Variants in RPL3 observed in about 807,000 individuals in gnomAD.
The protein encoded by RPL3 is ribosomal protein L3, also known as large ribosomal subunit protein uL3.
RPL3 carries 3 observed loss-of-function variants against 46.0 expected under a neutral mutation model. The ratio of observed to expected loss-of-function variants is 0.07; its 90% confidence interval spans 0.03 to 0.17. RPL3 has a LOEUF of 0.17. Ranked by LOEUF, RPL3 falls within the 10% of genes least tolerant of loss-of-function variation. The pLI is 1.00. For synonymous variants in RPL3, 224 were observed against 190.8 expected (o/e 1.17, Z -1.43); for missense variants, 387 against 532.7 (o/e 0.73, Z 2.69).
intron 1 of RPL3, chr22:39,318,986 G>A (rs1403154923): frequency 3.7e-6 from 2 of 539,762 alleles, no homozygotes; most frequent in East Asian, 5.4e-5. Context: ...TTAAGCTATA[G>A]GCTGCCTCCG....
At chr22:39,318,903 A>G (rs137625) in intron 1 of RPL3, 409,441 of 452,602 alleles carry the variant, frequency 0.9, 185,590 homozygotes, top group East Asian at 1. Flanking sequence ...GCAGCTTTAT[A>G]TGCCAATTAG....
At chr22:39,314,894 T>TGACC (rs1263650101) in intron 5 of RPL3, 48 bp from the exon 6 acceptor site, 1 of 1,591,216 alleles carries the variant, frequency 6.3e-7, no homozygotes, top group Admixed American at 1.7e-5. Context: ...CACCTCCCAC[T>TGACC]GACCCCTTCC....
At chr22:39,318,722 AAAAGGT>A (rs1434588234) in intron 1 of RPL3, 130 bp from the exon 2 acceptor site, 3 of 756,618 alleles carry the variant, frequency 4.0e-6, no homozygotes, top group Non-Finnish European at 6.3e-6. Flanking sequence ...AAGCCGAATA[AAAAGGT>A]CATTATCTCT....
chr22:39,315,456 G>A lies in RPL3; in HGVS notation c.601C>T (p.Leu201Phe), dbSNP rs1922625114. Residue 201 changes from leucine to phenylalanine, a missense_variant, in exon 5 of 10, where the codon CTT becomes TTT. Coordinates refer to ENST00000216146, the MANE Select transcript of RPL3 (RefSeq NM_000967.4). ...TGGTTCACAGGTACCTGCTGCTCAA[G>A]CCTCTCGCGGGCCCAGTCCAGCTTC... Reference protein sequence around the residue: ...AEKLDWARERLEQQVPVNQVF... With the variant: ...AEKLDWARERFEQQVPVNQVF... 2 of 1,613,936 alleles carry A rather than the reference G, an allele frequency of 1.2e-6. No individual in the cohort carries two copies. The highest frequency in any genetic ancestry group is 8.5e-7 in the Non-Finnish European group (1 of 1,180,058).
chr22:39,315,097 A>G (rs748082215), intron 5 of RPL3: 96 of 729,384 alleles, frequency 1.3e-4, no homozygotes, highest in Admixed American at 5.7e-4. Context: ...ACTGACTAAC[A>G]TAATTCCAAG....
chr22:39,318,033 G>A (rs186682087), intron 2 of RPL3: 8 of 347,678 alleles, frequency 2.3e-5, no homozygotes, highest in South Asian at 3.2e-5. Context: ...ACACACACAG[G>A]TAAGTGGCCA....
Position 39,319,286 on chromosome 22 carries a change from CTAA to C in RPL3, c.3+306_3+308del, listed in dbSNP as rs747857485. The C allele has an allele frequency of 1.5e-3, 801 of 535,734 alleles. 1 individual carries two copies. The highest frequency in any genetic ancestry group is 2.0e-3 in the Non-Finnish European group (602 of 294,520). The allele number at this position is 535,734 out of a possible 1,614,324, so 33.2% of individuals were successfully genotyped here. A position where few individuals can be genotyped will look rare whatever the true frequency, so the allele number is the denominator to read the frequency against. ...AGCAGGTTATGGGCCCTAATCCCAA[CTAA>C]TGATAGAATTGGTGAGGTCGAAACT... On this transcript the variant is annotated intron_variant, in intron 1 of 9. Coordinates refer to ENST00000216146, the MANE Select transcript of RPL3 (RefSeq NM_000967.4).
At chr22:39,318,638 C>T (rs1344745682) in intron 1 of RPL3, 46 bp from the exon 2 acceptor site, 4 of 1,491,216 alleles carry the variant, frequency 2.7e-6, no homozygotes, top group South Asian at 2.4e-5. Flanking sequence ...CAAAGCAGTG[C>T]CCCCTTCTCT....
chr22:39,313,811 AC>A (rs1256695778), intron 7 of RPL3, 82 bp from the exon 8 acceptor site: 3 of 1,242,974 alleles, frequency 2.4e-6, no homozygotes, highest in East Asian at 4.6e-5. Flanking sequence ...GCCCTCCCTG[AC>A]CACAGGGCTG....
intron 6 of RPL3, 80 bp downstream of exon 6, chr22:39,314,606 A>G: frequency 1.4e-6 from 2 of 1,438,828 alleles, no homozygotes; most frequent in Non-Finnish European, 1.9e-6. Context: ...TCAGTGAAGC[A>G]GCACTGACAG....
intron 3 of RPL3, chr22:39,317,192 AC>A: frequency 1.8e-6 from 1 of 563,776 alleles, no homozygotes; most frequent in Non-Finnish European, 3.1e-6. Context: ...TTATTCTGCT[AC>A]CTCTCCTGGT....
intron 8 of RPL3, 160 bp from the exon 9 acceptor site, chr22:39,313,470 G>C: frequency 7.7e-7 from 1 of 1,306,920 alleles, no homozygotes; most frequent in South Asian, 1.3e-5. Flanking sequence ...AGCCCAGCAA[G>C]GCCAGACTGG....
chr22:39,318,800 T>C lies in RPL3; in HGVS notation c.4-208A>G, dbSNP rs951936911. Among the ~76,000 whole-genome samples, 11 of 152,298 alleles carry C rather than the reference T, an allele frequency of 7.2e-5. No individual in the cohort carries two copies. In the South Asian group the frequency reaches 2.3e-3, roughly 32 times the overall value. On this transcript the variant is annotated intron_variant, in intron 1 of 9. Coordinates refer to ENST00000216146, the MANE Select transcript of RPL3 (RefSeq NM_000967.4). ...GACAAAATTTAAGCTGAATCTTATT[T>C]CAAATCCTCTCAACCTGTAAGAAAA...
At position 39,313,322 on chromosome 22, in the gene RPL3, G is replaced by A. The variant is rs1227721882; in HGVS notation, c.1048-12C>T. ...TGCACCAGCAAGGACTATGGGCCAA[G>A]AGGGGAAGGGATTTAGGATTACGAG... On this transcript the variant is annotated splice_polypyrimidine_tract_variant and intron_variant, in intron 8 of 9. Coordinates refer to ENST00000216146, the MANE Select transcript of RPL3 (RefSeq NM_000967.4). 1 of 1,613,940 alleles carries A rather than the reference G, an allele frequency of 6.2e-7. No individual in the cohort carries two copies. Among genetic ancestry groups the A allele is most frequent in the Admixed American group, 1.7e-5 (1 of 59,940 alleles).
At chr22:39,317,884 G>A (rs1922803443) in intron 2 of RPL3, 1 of 495,294 alleles carries the variant, frequency 2.0e-6, no homozygotes, top group East Asian at 3.3e-5. Context: ...AACCTCTGGA[G>A]GCAGACAAGA....
rs571697433 is a variant in RPL3 at position 39,318,546 on chromosome 22, A to T, written c.50T>A (p.Leu17Gln). ...ATGCCTGCTGCTGCGCTTCCGAGGC[A>T]GGAAGCCGAGGGACCCATGTCTGGG... ...SAPRHGSLGF[L>Q]PRKRSSRHRG... The change falls in exon 2 of 10, where the codon CTG (leucine) becomes CAG (glutamine). Residue 17 changes from leucine to glutamine, a missense_variant. Physicochemically the swap from Leu to Gln is moderately radical, Grantham distance 113. Around this residue, in one of 5 missense-constraint regions of RPL3, gnomAD observed 8 missense variants for 23.8 expected, o/e 0.34. Transcript: ENST00000216146. 6.2e-7 allele frequency: 1 copy of T among 1,613,300 alleles called. No homozygotes were observed. Among genetic ancestry groups the T allele is most frequent in the African/African-American group, 1.3e-5 (1 of 75,036 alleles).
At chr22:39,314,268 A>C in intron 6 of RPL3, 60 bp from the exon 7 acceptor site, 1 of 1,454,788 alleles carries the variant, frequency 6.9e-7, no homozygotes, top group South Asian at 1.1e-5. Flanking sequence ...CAGACATGCC[A>C]GTGTGCTGAC....
At chr22:39,317,704 A>C (rs1922792812) in intron 2 of RPL3, 75 bp from the exon 3 acceptor site, 1 of 1,568,664 alleles carries the variant, frequency 6.4e-7, no homozygotes, top group Non-Finnish European at 8.7e-7. Context: ...GAAAATGCAA[A>C]GTGCCCATTT....
intron 5 of RPL3, chr22:39,315,146 G>C: frequency 1.2e-6 from 1 of 813,506 alleles, no homozygotes; most frequent in Non-Finnish European, 2.1e-6. Context: ...AAAGAGCAAA[G>C]GGTCCAGGAA....
Sources: gnomAD v4.1 joint callset for allele counts (sites outside exome capture counted in the v4.1 genomes callset) on GRCh38, gnomAD v4.1.1 for gene constraint, gnomAD v4.1.1 regional missense constraint, MANE v1.5 for transcripts, NCBI Gene and HGNC (gene_info 2026-07-23, HGNC 2026-07-21) for gene names.